Variants in LRRC4C observed in about 807,000 individuals in gnomAD.
LRRC4C encodes the protein leucine-rich repeat-containing protein 4C.
A neutral mutation model predicts 33.6 loss-of-function variants in LRRC4C; 5 were observed. The ratio of observed to expected loss-of-function variants is 0.15; its 90% confidence interval spans 0.08 to 0.31. LRRC4C has a LOEUF of 0.31. LRRC4C is among the 10% of genes least tolerant of loss of function. LRRC4C has a pLI of 1.00. For missense variants in LRRC4C, 560 were observed against 796.7 expected (o/e 0.70, Z 3.58); for synonymous variants, 329 against 302.0 (o/e 1.09, Z -0.93).
intron 2 of LRRC4C, among the ~76,000 whole-genome samples, chr11:40,666,175 A>C (rs1943799641): frequency 6.6e-6 from 1 of 152,276 alleles, no homozygotes; most frequent in Admixed American, 6.5e-5. Flanking sequence ...AGAGCCTCAC[A>C]AATCACTATG....
At chr11:41,230,752 A>C (rs1947749964) in intron 1 of LRRC4C, among the ~76,000 whole-genome samples, 1 of 152,074 alleles carries the variant, frequency 6.6e-6, no homozygotes, top group Admixed American at 6.6e-5. Flanking sequence ...CAAAATTGAC[A>C]AATGGGATCT....
chr11:41,227,728 A>C (rs550035158), intron 1 of LRRC4C, among the ~76,000 whole-genome samples: 1 of 152,042 alleles, frequency 6.6e-6, no homozygotes, highest in Non-Finnish European at 1.5e-5. Context: ...ATTGAAGTCC[A>C]CTTTGCATTC....
intron 1 of LRRC4C, among the ~76,000 whole-genome samples, chr11:41,097,284 T>C (rs546180767): frequency 4.6e-5 from 7 of 152,200 alleles, no homozygotes; most frequent in African/African-American, 1.7e-4. Context: ...AGAAGGAGAA[T>C]TTGGTTAGGG....
chr11:41,127,255 GTTT>G (rs35456009), intron 1 of LRRC4C, among the ~76,000 whole-genome samples: 24 of 143,700 alleles, frequency 1.7e-4, no homozygotes, highest in African/African-American at 6.1e-4. Flanking sequence ...AAAGACTAGA[GTTT>G]TTTTTTTTTT....
intron 2 of LRRC4C, among the ~76,000 whole-genome samples, chr11:40,823,688 A>T (rs1952038196): frequency 6.6e-6 from 1 of 151,830 alleles, no homozygotes; most frequent in Non-Finnish European, 1.5e-5. Context: ...GATAATATGA[A>T]ATGATAGCAA....
At chr11:40,670,646 A>C (rs1299514903) in intron 2 of LRRC4C, among the ~76,000 whole-genome samples, 1 of 152,230 alleles carries the variant, frequency 6.6e-6, no homozygotes, top group South Asian at 2.1e-4. Flanking sequence ...AGATGTAGGG[A>C]AAAAAGGGTA....
chr11:40,449,670 A>T (rs1951800508), intron 3 of LRRC4C, among the ~76,000 whole-genome samples: 1 of 151,740 alleles, frequency 6.6e-6, no homozygotes, highest in South Asian at 2.1e-4. Flanking sequence ...CGCATACCCC[A>T]CTCTAGGCAT....
At chr11:41,195,424 T>G (rs1946139913) in intron 1 of LRRC4C, among the ~76,000 whole-genome samples, 2 of 152,184 alleles carry the variant, frequency 1.3e-5, no homozygotes, top group South Asian at 4.1e-4. Context: ...AAATGTCAAT[T>G]CTCAATGGCT....
At chr11:40,191,486 T>A (rs1172349660) in intron 5 of LRRC4C, among the ~76,000 whole-genome samples, 6 of 152,184 alleles carry the variant, frequency 3.9e-5, no homozygotes, top group African/African-American at 1.2e-4. Context: ...CCCATTCCTG[T>A]CATGTCCCAG....
intron 1 of LRRC4C, among the ~76,000 whole-genome samples, chr11:40,999,029 A>G (rs2137353941): frequency 6.6e-6 from 1 of 152,290 alleles, no homozygotes; most frequent in South Asian, 2.1e-4. Flanking sequence ...AGTTGCATCA[A>G]TAAAATCACT....
chr11:41,251,280 A>G (rs1948629556), intron 1 of LRRC4C, among the ~76,000 whole-genome samples: 1 of 152,342 alleles, frequency 6.6e-6, no homozygotes, highest in South Asian at 2.1e-4. Context: ...AACAAAATAC[A>G]TCACAGCACA....
chr11:41,098,283 C>T (rs965259367), intron 1 of LRRC4C, among the ~76,000 whole-genome samples: 4 of 152,110 alleles, frequency 2.6e-5, no homozygotes, highest in Non-Finnish European at 2.9e-5. Context: ...GGCCACACTG[C>T]TTGTAATATC....
chr11:41,392,235 T>C (rs1017190326), intron 1 of LRRC4C, among the ~76,000 whole-genome samples: 5 of 151,914 alleles, frequency 3.3e-5, no homozygotes, highest in African/African-American at 1.2e-4. Context: ...GAAGTCTCTT[T>C]CCCACGTATG....
intron 2 of LRRC4C, among the ~76,000 whole-genome samples, chr11:40,724,896 T>C (rs1447902433): frequency 6.6e-6 from 1 of 152,062 alleles, no homozygotes; most frequent in Admixed American, 6.6e-5. Context: ...CAATCTGAAA[T>C]TGGAACAGTA....
At chr11:40,358,981 A>G (rs901717726) in intron 3 of LRRC4C, among the ~76,000 whole-genome samples, 1 of 152,088 alleles carries the variant, frequency 6.6e-6, no homozygotes, top group African/African-American at 2.4e-5. Flanking sequence ...AGTTTACTTG[A>G]CTATGCTAAT....
rs146966476 is a variant in LRRC4C, at chr11:41,227,301, G to A, written c.-496+232130C>T. Among the ~76,000 whole-genome samples the A allele has an allele frequency of 9.3e-3, 1,406 of 151,858 alleles. 10 individuals carry two copies. The highest frequency in any genetic ancestry group is 0.016 in the Non-Finnish European group (1,072 of 67,938). ...TATATACATTTAAGATCAAGCAGAC[G>A]GAACCTAAAGAAATGGAATCTTTAC... On this transcript the variant is annotated intron_variant, in intron 1 of 6. Coordinates refer to ENST00000528697, the MANE Select transcript of LRRC4C (RefSeq NM_001258419.2).
At chr11:40,989,380 G>A (rs909478338) in intron 1 of LRRC4C, among the ~76,000 whole-genome samples, 2 of 152,014 alleles carry the variant, frequency 1.3e-5, no homozygotes, top group Non-Finnish European at 1.5e-5. Flanking sequence ...TGCTGTTCTC[G>A]TTTTTCAGAT....
chr11:41,208,634 C>T (rs1946694371), intron 1 of LRRC4C, among the ~76,000 whole-genome samples: 1 of 152,184 alleles, frequency 6.6e-6, no homozygotes, highest in Non-Finnish European at 1.5e-5. Context: ...TGTCAGGCCT[C>T]AGAGATCCTA....
intron 1 of LRRC4C, among the ~76,000 whole-genome samples, chr11:41,431,313 C>T (rs1269218777): frequency 6.6e-6 from 1 of 151,814 alleles, no homozygotes; most frequent in Non-Finnish European, 1.5e-5. Flanking sequence ...GGAAAAATTT[C>T]AAGAGCCTCA....
Sources: gnomAD v4.1 joint callset for allele counts (sites outside exome capture counted in the v4.1 genomes callset) on GRCh38, gnomAD v4.1.1 for gene constraint, MANE v1.5 for transcripts, NCBI Gene and HGNC (gene_info 2026-07-23, HGNC 2026-07-21) for gene names.